Variants in CSMD3 observed in about 807,000 individuals in gnomAD.
The protein encoded by CSMD3 is CUB and Sushi multiple domains 3.
In CSMD3, 177 loss-of-function variants were observed where a neutral mutation model predicts 435.2. The observed-to-expected ratio is 0.41, with a 90% CI of 0.36 to 0.46. The LOEUF (loss-of-function observed/expected upper bound fraction) is 0.46, where lower values mean the gene tolerates loss of function less well. CSMD3 is among the 20% of genes least tolerant of loss of function. The pLI is 0.34. For missense variants in CSMD3, 4,265 were observed against 4,504.6 expected (o/e 0.95, Z 1.52); for synonymous variants, 1,656 against 1,520.5 (o/e 1.09, Z -2.07).
Position 112,490,952 on chromosome 8 carries a change from T to C in CSMD3, c.5278+1537A>G, listed in dbSNP as rs953121939. Among the ~76,000 whole-genome samples, 15 of 152,182 alleles carry C rather than the reference T, an allele frequency of 9.9e-5. No homozygotes were observed. In the South Asian group the frequency reaches 1.2e-3, roughly 13 times the overall value. On this transcript the variant is annotated intron_variant, in intron 31 of 70. Transcript: ENST00000297405. ...TCTATTTATTCCTTTTGCCTTCTGA[T>C]AGATGAACCATAAATGCAAGTCAAA...
At chr8:113,333,295 G>A (rs1334321057) in intron 1 of CSMD3, among the ~76,000 whole-genome samples, 1 of 151,602 alleles carries the variant, frequency 6.6e-6, no homozygotes, top group Non-Finnish European at 1.5e-5. Context: ...TGAATTTCAT[G>A]TCATCACTTT....
intron 5 of CSMD3, among the ~76,000 whole-genome samples, chr8:113,064,043 C>T (rs12547021): frequency 0.28 from 42,871 of 150,896 alleles, 7,311 homozygotes; most frequent in East Asian, 0.69. Flanking sequence ...AAAGGACTCG[C>T]CTAAAATTCA....
chr8:112,711,972 A>G (rs535535543), intron 13 of CSMD3, among the ~76,000 whole-genome samples: 1 of 152,280 alleles, frequency 6.6e-6, no homozygotes, highest in African/African-American at 2.4e-5. Flanking sequence ...ATGCCTAACT[A>G]TTAAGCTACT....
At chr8:113,307,282 AATT>A (rs2093829094) in intron 2 of CSMD3, among the ~76,000 whole-genome samples, 1 of 152,128 alleles carries the variant, frequency 6.6e-6, no homozygotes, top group Non-Finnish European at 1.5e-5. Flanking sequence ...TAGGACACAT[AATT>A]TATTAAGTTG....
At chr8:113,225,754 G>A (rs1347197299) in intron 3 of CSMD3, among the ~76,000 whole-genome samples, 1 of 151,478 alleles carries the variant, frequency 6.6e-6, no homozygotes, top group Non-Finnish European at 1.5e-5. Flanking sequence ...TTTTGAGTTA[G>A]AGCTGTACCT....
intron 8 of CSMD3, among the ~76,000 whole-genome samples, chr8:112,950,535 T>C (rs897243049): frequency 2.0e-5 from 3 of 152,032 alleles, no homozygotes; most frequent in Non-Finnish European, 4.4e-5. Flanking sequence ...TTAAATATTT[T>C]ATATAAATTT....
At chr8:113,033,467 G>T (rs1169287738) in intron 5 of CSMD3, among the ~76,000 whole-genome samples, 1 of 151,612 alleles carries the variant, frequency 6.6e-6, no homozygotes, top group African/African-American at 2.4e-5. Flanking sequence ...CTTGCATGGA[G>T]CCTGTGGCCC....
At chr8:113,255,527 A>T (rs1469620686) in intron 3 of CSMD3, among the ~76,000 whole-genome samples, 1 of 152,076 alleles carries the variant, frequency 6.6e-6, no homozygotes, top group Admixed American at 6.5e-5. Flanking sequence ...GATTTATCAT[A>T]AGCTGAAATG....
intron 13 of CSMD3, among the ~76,000 whole-genome samples, chr8:112,768,267 G>A (rs984301971): frequency 6.6e-6 from 1 of 151,740 alleles, no homozygotes; most frequent in Non-Finnish European, 1.5e-5. Context: ...ATCCTGGCAG[G>A]CAACGAATGG....
chr8:112,911,436 C>T (rs1473160857), intron 10 of CSMD3, among the ~76,000 whole-genome samples: 1 of 151,736 alleles, frequency 6.6e-6, no homozygotes, highest in Non-Finnish European at 1.5e-5. Flanking sequence ...GCCAAGCATG[C>T]AGTATATTAT....
intron 13 of CSMD3, among the ~76,000 whole-genome samples, chr8:112,708,719 G>A (rs1587031228): frequency 1.2e-5 from 1 of 82,852 alleles, no homozygotes; most frequent in Non-Finnish European, 2.7e-5. Context: ...CAGGACGATA[G>A]AGCAAAAAAA....
intron 24 of CSMD3, among the ~76,000 whole-genome samples, chr8:112,562,829 C>G (rs911179123): frequency 6.6e-6 from 1 of 151,416 alleles, no homozygotes; most frequent in Non-Finnish European, 1.5e-5. Flanking sequence ...ACTTTTATAT[C>G]AACTTCATTA....
intron 13 of CSMD3, among the ~76,000 whole-genome samples, chr8:112,753,256 A>G (rs2077616046): frequency 6.6e-6 from 1 of 152,144 alleles, no homozygotes; most frequent in Non-Finnish European, 1.5e-5. Context: ...GACAAAACCT[A>G]TTACTTTTGG....
intron 22 of CSMD3, among the ~76,000 whole-genome samples, chr8:112,589,460 A>G (rs963527037): frequency 2.5e-4 from 38 of 152,256 alleles, no homozygotes; most frequent in African/African-American, 8.7e-4. Flanking sequence ...GGTGGCTGTG[A>G]TGGTATATTA....
intron 11 of CSMD3, among the ~76,000 whole-genome samples, chr8:112,846,947 G>A (rs565255522): frequency 1.3e-5 from 2 of 152,182 alleles, no homozygotes; most frequent in African/African-American, 2.4e-5. Context: ...AAGCCTGGGT[G>A]TTCTATAAAT....
chr8:113,386,195 C>G (rs976728433), intron 1 of CSMD3, among the ~76,000 whole-genome samples: 4 of 151,832 alleles, frequency 2.6e-5, no homozygotes, highest in African/African-American at 9.7e-5. Context: ...CTCTTCCCTC[C>G]CTTGCCTTTT....
At chr8:112,475,361 C>T (rs1173404794) in intron 31 of CSMD3, among the ~76,000 whole-genome samples, 3 of 152,062 alleles carry the variant, frequency 2.0e-5, no homozygotes, top group Non-Finnish European at 4.4e-5. Context: ...TTTTAAACTA[C>T]AAATATACTA....
At chr8:113,266,326 A>G (rs2093470834) in intron 3 of CSMD3, among the ~76,000 whole-genome samples, 1 of 151,316 alleles carries the variant, frequency 6.6e-6, no homozygotes, top group African/African-American at 2.4e-5. Context: ...AGATTATATA[A>G]GTCATGCATA....
intron 5 of CSMD3, among the ~76,000 whole-genome samples, chr8:113,082,223 G>C (rs998986105): frequency 3.3e-5 from 5 of 152,108 alleles, no homozygotes; most frequent in African/African-American, 1.2e-4. Flanking sequence ...ACCCAGGAGT[G>C]TGAGGATAGA....
Sources: gnomAD v4.1 joint callset for allele counts (sites outside exome capture counted in the v4.1 genomes callset) on GRCh38, gnomAD v4.1.1 for gene constraint, MANE v1.5 for transcripts, NCBI Gene and HGNC (gene_info 2026-07-23, HGNC 2026-07-21) for gene names.